The following RNF157 variants were observed in gnomAD, a reference collection of about 807,000 sequenced individuals.
RNF157 encodes ring finger protein 157.
A neutral mutation model predicts 88.3 loss-of-function variants in RNF157; 55 were observed. The observed-to-expected ratio is 0.62, with a 90% CI of 0.50 to 0.78. The LOEUF (loss-of-function observed/expected upper bound fraction) is 0.78, where lower values mean the gene tolerates loss of function less well. RNF157 is among the 30% of genes least tolerant of loss of function. RNF157 has a pLI of 0.00. For missense variants in RNF157, 788 were observed against 860.8 expected (o/e 0.92, Z 1.06); for synonymous variants, 334 against 341.2 (o/e 0.98, Z 0.23).
rs76892977 is a variant in RNF157, at chr17:76,220,334, G to C, written c.89-7852C>G. ...AGATGGAATATATTAAGCTTCATCA[G>C]GATAATAAGGGCAAGGAATAAGTCT... is the stretch of plus-strand genomic sequence containing the variant. On this transcript the variant is annotated intron_variant, in intron 1 of 18. Coordinates refer to ENST00000269391, the MANE Select transcript of RNF157 (RefSeq NM_052916.3). Among the ~76,000 whole-genome samples the C allele has an allele frequency of 9.2e-3, 1,354 of 147,028 alleles. 22 individuals are homozygous for C. The highest frequency in any genetic ancestry group is 0.032 in the African/African-American group (1,273 of 39,768).
Position 76,166,353 on chromosome 17 carries a change from C to A in RNF157, c.628+108G>T, listed in dbSNP as rs2144853383. The stretch of plus-strand genomic sequence containing the variant: ...ATGCAGAGACTGCCTGACTCACAGT[C>A]ACAAACACCCACAAAGAAGGCATGT... On this transcript the variant is annotated intron_variant, in intron 6 of 18. Transcript: ENST00000269391. 4.5e-6 allele frequency: 4 copies of A among 898,006 alleles called. 1 individual carries two copies. In the Admixed American group the frequency reaches 5.5e-5, roughly 12 times the overall value. 55.6% of individuals were successfully genotyped at this position (898,006 alleles called of 1,614,324 possible). A position where few individuals can be genotyped will look rare whatever the true frequency, so the allele number is the denominator to read the frequency against.
intron 3 of RNF157, among the ~76,000 whole-genome samples, chr17:76,168,321 T>C (rs929979924): frequency 2.0e-5 from 3 of 152,234 alleles, no homozygotes; most frequent in Non-Finnish European, 4.4e-5. Flanking sequence ...ATCATGATTT[T>C]ATTATAATAG....
intron 14 of RNF157, 73 bp downstream of exon 14, chr17:76,156,137 C>T (rs1472980116): frequency 3.7e-5 from 44 of 1,199,622 alleles, no homozygotes; most frequent in African/African-American, 1.9e-4. Context: ...TGTCCCTTCC[C>T]GGAAGAAGCA....
rs374532457 is a variant in RNF157 at position 76,156,326 on chromosome 17, G to C, written c.1414-5C>G. ...TTCTGGAGTCACACCACATTCCTGG[G>C]GGTTGTGGGGGGACACAACAGGACA... On this transcript the variant is annotated splice_polypyrimidine_tract_variant and splice_region_variant and intron_variant, in intron 13 of 18. Coordinates refer to ENST00000269391, the MANE Select transcript of RNF157 (RefSeq NM_052916.3). 9.9e-6 allele frequency: 16 copies of C among 1,613,778 alleles called. No individual in the cohort carries two copies. Among genetic ancestry groups the C allele is most frequent in the Non-Finnish European group, 1.4e-5 (16 of 1,179,942 alleles).
intron 1 of RNF157, among the ~76,000 whole-genome samples, chr17:76,231,988 T>A (rs1342681579): frequency 6.6e-6 from 1 of 152,194 alleles, no homozygotes; most frequent in Non-Finnish European, 1.5e-5. Context: ...ATAAACAAAC[T>A]CATACGATAT....
At chr17:76,162,046 C>A in intron 9 of RNF157, 44 bp from the exon 10 acceptor site, 1 of 1,593,242 alleles carries the variant, frequency 6.3e-7, no homozygotes. Flanking sequence ...CAAAGCCCTT[C>A]CTGTCCCATA....
At position 76,227,124 on chromosome 17, in the gene RNF157, T is replaced by G. The variant is rs544332373; in HGVS notation, c.88+13029A>C. 3.0e-4 allele frequency among the ~76,000 whole-genome samples: 45 copies of G among 151,566 alleles called. No homozygotes were observed. In the South Asian group the frequency reaches 4.2e-3, roughly 14 times the overall value. On this transcript the variant is annotated intron_variant, in intron 1 of 18. Coordinates refer to ENST00000269391, the MANE Select transcript of RNF157 (RefSeq NM_052916.3). ...TTAATAACCTCTTTTTTTGTTTTTT[T>G]TTTTTTTTGAGACGGGAGTCTCACT...
chr17:76,186,186 T>C (rs1314658290), intron 2 of RNF157, among the ~76,000 whole-genome samples: 1 of 152,022 alleles, frequency 6.6e-6, no homozygotes, highest in African/African-American at 2.4e-5. Flanking sequence ...TGTCCTTTCA[T>C]GTCCCATTAA....
chr17:76,190,144 G>A (rs1309092931), intron 2 of RNF157, among the ~76,000 whole-genome samples: 1 of 151,394 alleles, frequency 6.6e-6, no homozygotes, highest in Non-Finnish European at 1.5e-5. Context: ...CTTCTGTTAA[G>A]TGCTCAGGCT....
intron 2 of RNF157, among the ~76,000 whole-genome samples, chr17:76,201,624 T>C (rs1289922355): frequency 2.0e-5 from 3 of 152,192 alleles, no homozygotes; most frequent in South Asian, 2.1e-4. Context: ...TGTAATAGTA[T>C]ATTTGTGTAG....
At chr17:76,155,409 G>A (rs2068747541) in intron 15 of RNF157, 92 bp from the exon 16 acceptor site, 2 of 1,474,188 alleles carry the variant, frequency 1.4e-6, no homozygotes, top group African/African-American at 1.4e-5. Flanking sequence ...GTGTCAAATA[G>A]GAGGGTCAGA....
Position 76,166,361 on chromosome 17 carries a change from C to T in RNF157, c.628+100G>A, listed in dbSNP as rs2068924527. The T allele has an allele frequency of 4.2e-6, 4 of 951,850 alleles. No homozygotes were observed. The Admixed American group carries it at 7.1e-5, about 17-fold the overall frequency. The allele number at this position is 951,850 out of a possible 1,614,324, so 59.0% of individuals were successfully genotyped here. A position where few individuals can be genotyped will look rare whatever the true frequency, so the allele number is the denominator to read the frequency against. On this transcript the variant is annotated intron_variant, in intron 6 of 18. Coordinates refer to ENST00000269391, the MANE Select transcript of RNF157 (RefSeq NM_052916.3). ...ACTGCCTGACTCACAGTCACAAACA[C>T]CCACAAAGAAGGCATGTTGTTCTGG...
At chr17:76,216,031 A>C (rs2069882258) in intron 1 of RNF157, among the ~76,000 whole-genome samples, 2 of 152,250 alleles carry the variant, frequency 1.3e-5, no homozygotes, top group African/African-American at 4.8e-5. Context: ...TTTACTGATG[A>C]ACTTCAGCAA....
At chr17:76,237,539 C>A (rs1407799466) in intron 1 of RNF157, among the ~76,000 whole-genome samples, 1 of 152,164 alleles carries the variant, frequency 6.6e-6, no homozygotes, top group African/African-American at 2.4e-5. Context: ...GCCTTCATTC[C>A]ATAATCATGG....
intron 2 of RNF157, among the ~76,000 whole-genome samples, chr17:76,204,382 T>TCCTC (rs932927336): frequency 2.6e-5 from 4 of 152,152 alleles, no homozygotes; most frequent in African/African-American, 4.8e-5. Context: ...GGCACTCTGG[T>TCCTC]CCTCTCTCGT....
chr17:76,238,490 T>C (rs2070319845), intron 1 of RNF157, among the ~76,000 whole-genome samples: 1 of 152,226 alleles, frequency 6.6e-6, no homozygotes, highest in African/African-American at 2.4e-5. Flanking sequence ...CTATTGTCTT[T>C]TTATTATCAT....
At chr17:76,180,140 T>G (rs1182651912) in intron 2 of RNF157, among the ~76,000 whole-genome samples, 1 of 152,248 alleles carries the variant, frequency 6.6e-6, no homozygotes, top group Non-Finnish European at 1.5e-5. Flanking sequence ...AAGCTCAGTA[T>G]GGATTTATAG....
At chr17:76,155,530 G>A (rs1049104967) in intron 15 of RNF157, 32 bp downstream of exon 15, 2 of 1,602,938 alleles carry the variant, frequency 1.2e-6, no homozygotes, top group Non-Finnish European at 1.7e-6. Context: ...AAAGAACAGA[G>A]AAGCCAGGGC....
Position 76,173,735 on chromosome 17 carries a change from A to T in RNF157, c.263T>A (p.Val88Asp). The T allele has an allele frequency of 6.2e-7, 1 of 1,610,904 alleles. No individual in the cohort carries two copies. The highest frequency in any genetic ancestry group is 2.2e-5 in the East Asian group (1 of 44,824). ...QEPVKTLRSL[V>D]NIRKDTLRLV... ...CCTCAGTGTGTCCTTTCGGATATTG[A>T]CCAGGCTTCTCAGAGTCTTCACGGG... is the stretch of plus-strand genomic sequence containing the variant. The change falls in exon 3 of 19, where the codon GTC (valine) becomes GAC (aspartate). Residue 88 changes from valine to aspartate, a missense_variant. Physicochemically the swap from Val to Asp is radical, Grantham distance 152. Coordinates refer to ENST00000269391, the MANE Select transcript of RNF157 (RefSeq NM_052916.3).
Sources: gnomAD v4.1 joint callset for allele counts (sites outside exome capture counted in the v4.1 genomes callset) on GRCh38, gnomAD v4.1.1 for gene constraint, MANE v1.5 for transcripts, NCBI Gene and HGNC (gene_info 2026-07-23, HGNC 2026-07-21) for gene names.